The following SV2C variants were observed in gnomAD, a reference collection of about 807,000 sequenced individuals.
SV2C encodes the protein solute carrier family 22 member B3.
Under a neutral mutation model 79.7 loss-of-function variants are expected in SV2C, and 49 were observed. That is an observed-to-expected ratio of 0.61 (90% CI 0.49 to 0.78). The LOEUF (loss-of-function observed/expected upper bound fraction) is 0.78. SV2C is among the 30% of genes least tolerant of loss of function. The pLI is 0.00. For missense variants in SV2C, 833 were observed against 912.9 expected (o/e 0.91, Z 1.13); for synonymous variants, 334 against 333.2 (o/e 1.00, Z -0.03).
chr5:76,215,325 A>G (rs1489548994), intron 4 of SV2C, among the ~76,000 whole-genome samples: 4 of 151,934 alleles, frequency 2.6e-5, no homozygotes, highest in African/African-American at 9.7e-5. Context: ...GAGTGGGGGG[A>G]TGTGAATGAG....
chr5:75,967,554 C>T, the SV2C span, among the ~76,000 whole-genome samples: 1 of 152,172 alleles, frequency 6.6e-6, no homozygotes, highest in East Asian at 1.9e-4. Flanking sequence ...GGTCCTATGC[C>T]CACAGAGCCT....
At chr5:76,145,380 C>T (rs1749388423) in intron 2 of SV2C, among the ~76,000 whole-genome samples, 1 of 152,144 alleles carries the variant, frequency 6.6e-6, no homozygotes, top group African/African-American at 2.4e-5. Context: ...TTCTGTAGTG[C>T]TTGAATGGCC....
intron 12 of SV2C, among the ~76,000 whole-genome samples, chr5:76,340,356 A>T (rs189270909): frequency 7.2e-5 from 11 of 152,296 alleles, no homozygotes; most frequent in Admixed American, 7.2e-4. Flanking sequence ...ATTTCCTAAT[A>T]AACTTGTCTT....
At chr5:76,242,424 A>G (rs1436553153) in intron 4 of SV2C, 24 of 630,052 alleles carry the variant, frequency 3.8e-5, no homozygotes, top group South Asian at 2.8e-4. Context: ...TCTTGACCTC[A>G]TGATCTGCCC....
At chr5:76,138,896 A>G (rs1479549676) in intron 2 of SV2C, among the ~76,000 whole-genome samples, 2 of 152,344 alleles carry the variant, frequency 1.3e-5, no homozygotes, top group East Asian at 3.9e-4. Context: ...AGGCAGGCAG[A>G]TCACGAAGTC....
At chr5:76,015,748 A>G in the SV2C span, among the ~76,000 whole-genome samples, 29 of 152,270 alleles carry the variant, frequency 1.9e-4, no homozygotes, top group African/African-American at 6.5e-4. Context: ...CAACATGCTC[A>G]ACTAATTTAC....
the SV2C span, among the ~76,000 whole-genome samples, chr5:75,900,780 A>C: frequency 6.6e-6 from 1 of 151,972 alleles, no homozygotes; most frequent in Non-Finnish European, 1.5e-5. Flanking sequence ...GGCTTTGTTC[A>C]TTTCTTTTTA....
intron 1 of SV2C, among the ~76,000 whole-genome samples, chr5:76,124,541 T>A (rs1292829574): frequency 6.6e-6 from 1 of 152,222 alleles, no homozygotes; most frequent in Non-Finnish European, 1.5e-5. Flanking sequence ...GCTTCCTTGA[T>A]TGAGCTACTG....
At chr5:76,154,579 T>C (rs903690835) in intron 2 of SV2C, among the ~76,000 whole-genome samples, 21 of 152,292 alleles carry the variant, frequency 1.4e-4, no homozygotes, top group African/African-American at 5.1e-4. Context: ...ATAGCAGAAT[T>C]TGTACTCTGC....
At chr5:76,335,286 A>G (rs1749289027), downstream of SV2C, among the ~76,000 whole-genome samples, 1 of 151,878 alleles carries the variant, frequency 6.6e-6, no homozygotes, top group South Asian at 2.1e-4. Context: ...TGCTGTAGCA[A>G]TTTCTTTCCC....
rs117560148 is a variant in SV2C at position 76,254,733 on chromosome 5, A to T, written c.914-30429A>T. Reference sequence around the variant, plus strand: ...ATAATTGTACTAAATCCAAAATGTTAATTATGTTTATCTCTGAGTGATGAA... The same window carrying T: ...ATAATTGTACTAAATCCAAAATGTTTATTATGTTTATCTCTGAGTGATGAA... On this transcript the variant is annotated intron_variant, in intron 4 of 12. Coordinates refer to ENST00000502798, the MANE Select transcript of SV2C (RefSeq NM_014979.4). Among the ~76,000 whole-genome samples the T allele has an allele frequency of 2.0e-3, 305 of 152,284 alleles. 12 individuals carry two copies. In the East Asian group the frequency reaches 0.058, roughly 29 times the overall value.
chr5:76,280,949 A>G (rs1216255938), intron 4 of SV2C: 4 of 534,760 alleles, frequency 7.5e-6, no homozygotes, highest in East Asian at 1.1e-4. Flanking sequence ...TGAGCCTGCC[A>G]GGATGACAGG....
At chr5:76,038,078 G>T in the SV2C span, among the ~76,000 whole-genome samples, 1 of 152,242 alleles carries the variant, frequency 6.6e-6, no homozygotes, top group African/African-American at 2.4e-5. Flanking sequence ...CCGGAGTGAG[G>T]CAATGCCTTG....
At chr5:76,039,805 A>G in the SV2C span, among the ~76,000 whole-genome samples, 1 of 152,090 alleles carries the variant, frequency 6.6e-6, no homozygotes, top group Non-Finnish European at 1.5e-5. Flanking sequence ...TGAGTCTTCT[A>G]AAGAGTGGTA....
At chr5:76,242,294 A>G (rs564198589) in intron 4 of SV2C, 225 of 1,437,314 alleles carry the variant, frequency 1.6e-4, no homozygotes, top group Non-Finnish European at 1.6e-4. Flanking sequence ...TCTCTTGGGC[A>G]TGGTGGCGGC....
At chr5:76,192,877 T>C (rs1438613785) in intron 2 of SV2C, among the ~76,000 whole-genome samples, 1 of 152,254 alleles carries the variant, frequency 6.6e-6, no homozygotes, top group Non-Finnish European at 1.5e-5. Context: ...TGACATTTTT[T>C]ATACTAACTG....
At chr5:76,197,707 C>CAGATAGATAGATAGGTAGATAGATAGAT (rs1744310730) in intron 3 of SV2C, among the ~76,000 whole-genome samples, 1 of 145,494 alleles carries the variant, frequency 6.9e-6, no homozygotes, top group Non-Finnish European at 1.5e-5. Context: ...GATAGACAGG[C>CAGATAGATAGATAGGTAGATAGATAGAT]AGATAGATAG....
chr5:76,079,270 TG>T (rs1746940356), upstream of SV2C: 9 of 322,970 alleles, frequency 2.8e-5, no homozygotes, highest in South Asian at 3.5e-4. Flanking sequence ...GAGGCTGAGA[TG>T]GGGGCATATT....
the SV2C span, among the ~76,000 whole-genome samples, chr5:76,056,053 G>C: frequency 6.6e-6 from 1 of 152,050 alleles, no homozygotes; most frequent in Non-Finnish European, 1.5e-5. Context: ...GGTGAGAAAG[G>C]GCATCCTTGT....
Sources: allele counts gnomAD v4.1 joint callset (sites outside exome capture counted in the v4.1 genomes callset), GRCh38; gene constraint gnomAD v4.1.1; transcripts MANE v1.5; gene names NCBI Gene and HGNC (gene_info 2026-07-23, HGNC 2026-07-21).